The following UGT1A10 variants were observed in gnomAD, a reference collection of about 807,000 sequenced individuals.
UGT1A10 encodes UDP glucuronosyltransferase family 1 member A10.
In UGT1A10, 49 loss-of-function variants were observed where a neutral mutation model predicts 45.8. That is an observed-to-expected ratio of 1.07 (90% CI 0.85 to 1.36). The LOEUF (loss-of-function observed/expected upper bound fraction) is 1.36. Ranked by LOEUF, UGT1A10 falls within the 40% of genes most tolerant of loss-of-function variation. UGT1A10 has a pLI of 0.00. For missense variants in UGT1A10, 745 were observed against 668.6 expected (o/e 1.11, Z -1.26); for synonymous variants, 284 against 249.7 (o/e 1.14, Z -1.29).
intron 1 of UGT1A10, chr2:233,713,364 C>CT: frequency 6.2e-7 from 1 of 1,614,158 alleles, no homozygotes; most frequent in South Asian, 1.1e-5. Context: ...TTTGATCATA[C>CT]ATAGGTCTTG....
intron 1 of UGT1A10, among the ~76,000 whole-genome samples, chr2:233,765,992 C>T (rs1575816962): frequency 6.6e-6 from 1 of 152,236 alleles, no homozygotes; most frequent in Middle Eastern, 3.4e-3. Context: ...CCTGAAGCTC[C>T]AGTGGGCGTG....
chr2:233,715,394 A>G (rs1337290732), intron 1 of UGT1A10, among the ~76,000 whole-genome samples: 1 of 152,240 alleles, frequency 6.6e-6, no homozygotes, highest in Non-Finnish European at 1.5e-5. Context: ...TTATCATTAA[A>G]TAATAATCCT....
intron 1 of UGT1A10, among the ~76,000 whole-genome samples, chr2:233,675,531 C>A (rs2074326547): frequency 6.6e-6 from 1 of 152,134 alleles, no homozygotes; most frequent in African/African-American, 2.4e-5. Context: ...TGCTTCCCCC[C>A]TTGCTGTAAG....
At chr2:233,709,460 A>G (rs1297952220) in intron 1 of UGT1A10, among the ~76,000 whole-genome samples, 3 of 152,134 alleles carry the variant, frequency 2.0e-5, no homozygotes, top group African/African-American at 7.2e-5. Context: ...TAAAGCAATC[A>G]TTTTGGGGCT....
intron 1 of UGT1A10, chr2:233,718,684 C>T (rs926562012): frequency 4.8e-5 from 76 of 1,577,802 alleles, no homozygotes; most frequent in East Asian, 2.5e-4. Context: ...TAATAAGTAA[C>T]TGGAGGAGGG....
At chr2:233,756,950 A>C (rs1419831234) in intron 1 of UGT1A10, among the ~76,000 whole-genome samples, 3 of 152,034 alleles carry the variant, frequency 2.0e-5, no homozygotes, top group Admixed American at 2.0e-4. Flanking sequence ...TGAAACCCGG[A>C]CTTGGCACTT....
chr2:233,746,553 C>T lies in UGT1A10; in HGVS notation c.856-20481C>T, dbSNP rs984942036. On this transcript the variant is annotated intron_variant, in intron 1 of 4. Transcript: ENST00000344644. The stretch of plus-strand genomic sequence containing the variant: ...GCTGCCCTGCTGTGTGACTTCTTAG[C>T]CCCTAGAGCACCACACCCTGTAATT... 4.6e-5 allele frequency among the ~76,000 whole-genome samples: 7 copies of T among 151,780 alleles called. 1 individual carries two copies. The highest frequency in any genetic ancestry group is 1.7e-4 in the African/African-American group (7 of 41,054).
At chr2:233,641,271 G>A (rs1243801512) in intron 1 of UGT1A10, among the ~76,000 whole-genome samples, 1 of 152,140 alleles carries the variant, frequency 6.6e-6, no homozygotes, top group African/African-American at 2.4e-5. Flanking sequence ...GTCTCAGAGA[G>A]TTGCCACCCA....
intron 1 of UGT1A10, among the ~76,000 whole-genome samples, chr2:233,704,027 A>T (rs1383709873): frequency 6.6e-6 from 1 of 152,010 alleles, no homozygotes; most frequent in Non-Finnish European, 1.5e-5. Flanking sequence ...AGCAGCTGGA[A>T]CTACAGGTGT....
Position 233,636,978 on chromosome 2 carries a change from C to T in UGT1A10, c.456C>T (p.Thr152=). Residue 152 remains threonine (T), a synonymous_variant, in exon 1 of 5, where the codon ACC becomes ACT. Coordinates refer to ENST00000344644, the MANE Select transcript of UGT1A10 (RefSeq NM_019075.4). ...FDAVFLDPFD[T]CGLIVAKYFS... is the part of the protein sequence containing the mutation. Reference sequence around the variant, plus strand: ...CAGTGTTTCTGGATCCTTTTGATACCTGTGGCTTAATTGTTGCTAAATATT... The same window carrying T: ...CAGTGTTTCTGGATCCTTTTGATACTTGTGGCTTAATTGTTGCTAAATATT... 1 of 1,614,052 alleles carries T rather than the reference C, an allele frequency of 6.2e-7. No homozygotes were observed. Among genetic ancestry groups the T allele is most frequent in the Non-Finnish European group, 8.5e-7 (1 of 1,180,022 alleles).
intron 1 of UGT1A10, chr2:233,747,527 T>C: frequency 6.2e-7 from 1 of 1,605,936 alleles, no homozygotes; most frequent in Non-Finnish European, 8.5e-7. Flanking sequence ...AAACAGAACA[T>C]TTTCTGAAGA....
chr2:233,725,023 C>G lies in UGT1A10; in HGVS notation c.856-42011C>G, dbSNP rs559276677. Among the ~76,000 whole-genome samples the G allele has an allele frequency of 5.4e-5, 8 of 148,360 alleles. 2 individuals carry two copies. The highest frequency in any genetic ancestry group is 1.2e-4 in the Non-Finnish European group (8 of 67,378). Reference sequence around the variant, plus strand: ...ACCGGCCCGGCCAAACAGCAAAACCCGGTCTCCACCAAAACCAGTCAGGCG... The same window carrying G: ...ACCGGCCCGGCCAAACAGCAAAACCGGGTCTCCACCAAAACCAGTCAGGCG... On this transcript the variant is annotated intron_variant, in intron 1 of 4. Coordinates refer to ENST00000344644, the MANE Select transcript of UGT1A10 (RefSeq NM_019075.4).
At chr2:233,746,981 C>T (rs1456419119) in intron 1 of UGT1A10, among the ~76,000 whole-genome samples, 1 of 151,772 alleles carries the variant, frequency 6.6e-6, no homozygotes, top group Non-Finnish European at 1.5e-5. Flanking sequence ...AGAGCGAGCG[C>T]AGGGTCAGAT....
intron 1 of UGT1A10, among the ~76,000 whole-genome samples, chr2:233,711,891 A>G (rs2076202856): frequency 6.6e-6 from 1 of 152,204 alleles, no homozygotes; most frequent in Non-Finnish European, 1.5e-5. Context: ...GACGAGTCTC[A>G]TGGGCGTGAG....
chr2:233,642,175 T>C (rs555180183), intron 1 of UGT1A10, among the ~76,000 whole-genome samples: 3 of 152,352 alleles, frequency 2.0e-5, no homozygotes, highest in South Asian at 4.1e-4. Flanking sequence ...TTCTAGATCC[T>C]ATAAGCATGC....
rs368834284 is a variant in UGT1A10 at position 233,743,991 on chromosome 2, G to A, written c.856-23043G>A. 42 of 1,251,932 alleles carry A rather than the reference G, an allele frequency of 3.4e-5. No individual in the cohort carries two copies. In the South Asian group the frequency reaches 3.7e-4, roughly 11 times the overall value. The allele number at this position is 1,251,932 out of a possible 1,614,324, so 77.6% of individuals were successfully genotyped here. On this transcript the variant is annotated intron_variant, in intron 1 of 4. Transcript: ENST00000344644. ...GCTGCCAGCACCCAGGCGCAGGCCC[G>A]AGTGCTCGGAGACCTGGGCCGCCTG...
intron 1 of UGT1A10, among the ~76,000 whole-genome samples, chr2:233,695,299 C>T (rs532715794): frequency 2.6e-4 from 40 of 151,824 alleles, no homozygotes; most frequent in African/African-American, 8.9e-4. Context: ...CTAATTTTTG[C>T]ATTTTTAGTA....
chr2:233,717,499 G>T (rs570547635), intron 1 of UGT1A10, among the ~76,000 whole-genome samples: 12 of 152,304 alleles, frequency 7.9e-5, no homozygotes, highest in Non-Finnish European at 1.5e-4. Context: ...TATCAATGTG[G>T]ATTTCTAATG....
chr2:233,673,169 G>A (rs2074252812), intron 1 of UGT1A10, among the ~76,000 whole-genome samples: 1 of 151,870 alleles, frequency 6.6e-6, no homozygotes, highest in Non-Finnish European at 1.5e-5. Flanking sequence ...AGTACTTTAG[G>A]TATATACAAT....
Sources: gnomAD v4.1 joint callset for allele counts (sites outside exome capture counted in the v4.1 genomes callset) on GRCh38, gnomAD v4.1.1 for gene constraint, MANE v1.5 for transcripts, NCBI Gene and HGNC (gene_info 2026-07-23, HGNC 2026-07-21) for gene names.